Variants in TSPAN7 observed in about 807,000 individuals in gnomAD.
TSPAN7 encodes the protein tetraspanin-7.
A neutral mutation model predicts 17.6 loss-of-function variants in TSPAN7; 1 was observed. The ratio of observed to expected loss-of-function variants is 0.06; its 90% CI spans 0.02 to 0.27. The LOEUF is 0.27. Among genes scored for constraint, TSPAN7 ranks in the 10% least tolerant of loss-of-function variants. TSPAN7 has a pLI of 1.00. For missense variants in TSPAN7, 112 were observed against 201.7 expected, an observed-to-expected ratio of 0.56 and a Z score of 2.69; for synonymous variants, 78 against 79.0, an observed-to-expected ratio of 0.99 and a Z score of 0.07.
At chrX:38,561,746 T>A in intron 1 of TSPAN7, 119 bp downstream of exon 1, 1 of 599,721 alleles carries the variant, frequency 1.7e-6, no homozygotes, top group Non-Finnish European at 2.5e-6. Context: ...GACCCCTCTT[T>A]AAGGAGACAG....
chrX:38,620,640 T>G (rs2069483638), intron 1 of TSPAN7, among the ~76,000 whole-genome samples: 2 of 111,664 alleles, frequency 1.8e-5, no homozygotes, highest in African/African-American at 6.5e-5. Flanking sequence ...CTACAAGGTG[T>G]GGACAGTTCC....
At chrX:38,583,949 C>CTTTTTTTTTTTTTTTTTTTTTTTTTTTTT (rs34777484) in intron 1 of TSPAN7, among the ~76,000 whole-genome samples, 2 of 66,974 alleles carry the variant, frequency 3.0e-5, no homozygotes, top group Non-Finnish European at 5.6e-5. Context: ...TTTTTCTTTT[C>CTTTTTTTTTTTTTTTTTTTTTTTTTTTTT]TTTTTTTTTT....
At chrX:38,661,833 T>TA (rs1175551490) in intron 1 of TSPAN7, among the ~76,000 whole-genome samples, 2 of 82,484 alleles carry the variant, frequency 2.4e-5, no homozygotes, top group Non-Finnish European at 5.4e-5. Context: ...GAGAGATGTT[T>TA]TAAAAAAAAA....
At chrX:38,623,075 T>C (rs1266013890) in intron 1 of TSPAN7, 1 of 329,374 alleles carries the variant, frequency 3.0e-6, no homozygotes, top group Non-Finnish European at 5.9e-6. Flanking sequence ...TGTTGTTTTA[T>C]CTGTACAGTT....
At chrX:38,666,437 C>A in intron 2 of TSPAN7, 128 bp downstream of exon 2, 1 of 703,223 alleles carries the variant, frequency 1.4e-6, no homozygotes, top group Non-Finnish European at 2.2e-6. Flanking sequence ...CAGACTCTTT[C>A]CTAATCCATC....
In TSPAN7 at chrX:38,688,854, C is replaced by T. The variant is rs1403741908; in HGVS notation, c.*923C>T. 8.9e-6 allele frequency: 1 copy of T among 112,483 alleles called. No homozygotes were observed. Among genetic ancestry groups the T allele is most frequent in the Non-Finnish European group, 1.9e-5 (1 of 53,294 alleles). The allele number at this position is 112,483 out of a possible 1,213,427, so 9.3% of individuals were successfully genotyped here. On this transcript the variant is annotated 3_prime_UTR_variant, in exon 8 of 8. Transcript: ENST00000378482. The stretch of plus-strand genomic sequence containing the variant: ...GTAATGCCTCTGTCTAGCATGCCAA[C>T]AAGAATGCATTGATATTGTGAACAT...
At chrX:38,678,749 A>G (rs1237386024) in intron 5 of TSPAN7, among the ~76,000 whole-genome samples, 2 of 112,591 alleles carry the variant, frequency 1.8e-5, no homozygotes, top group Non-Finnish European at 3.7e-5. Flanking sequence ...AATTAATCCT[A>G]TTACTGATAT....
intron 6 of TSPAN7, among the ~76,000 whole-genome samples, chrX:38,683,468 A>G (rs370982790): frequency 2.8e-4 from 32 of 112,997 alleles, no homozygotes; most frequent in African/African-American, 8.7e-4. Flanking sequence ...AACTCTCTGC[A>G]GTGAGTTTAA....
At chrX:38,666,384 G>A in intron 2 of TSPAN7, 75 bp downstream of exon 2, 2 of 1,064,438 alleles carry the variant, frequency 1.9e-6, no homozygotes, top group Non-Finnish European at 2.6e-6. Context: ...GAGGTGAAGT[G>A]GTTCGTCTTG....
chrX:38,567,961 A>G (rs1359442353), intron 1 of TSPAN7, among the ~76,000 whole-genome samples: 4 of 111,878 alleles, frequency 3.6e-5, no homozygotes, highest in African/African-American at 1.3e-4. Flanking sequence ...TATTATGATT[A>G]CTTGCATAGC....
chrX:38,639,211 T>G (rs946989226), intron 1 of TSPAN7, among the ~76,000 whole-genome samples: 89 of 110,683 alleles, frequency 8.0e-4, no homozygotes, highest in African/African-American at 2.8e-3. Flanking sequence ...CTAAGTGATT[T>G]ACTTTACATT....
chrX:38,593,850 G>A (rs1349001370), intron 1 of TSPAN7, among the ~76,000 whole-genome samples: 1 of 112,126 alleles, frequency 8.9e-6, no homozygotes, highest in African/African-American at 3.2e-5. Flanking sequence ...TACAGTCTCA[G>A]GTTTTCTGCT....
At chrX:38,653,100 C>G (rs775758165) in intron 1 of TSPAN7, among the ~76,000 whole-genome samples, 1 of 112,096 alleles carries the variant, frequency 8.9e-6, no homozygotes, top group South Asian at 3.8e-4. Flanking sequence ...CACTTATTTG[C>G]TTTGTGACTT....
At chrX:38,581,985 C>T (rs1228693045) in intron 1 of TSPAN7, among the ~76,000 whole-genome samples, 1 of 112,622 alleles carries the variant, frequency 8.9e-6, no homozygotes, top group Non-Finnish European at 1.9e-5. Context: ...CAGTAATCTG[C>T]ACACGGACAC....
At chrX:38,614,675 G>C (rs1267437754) in intron 1 of TSPAN7, among the ~76,000 whole-genome samples, 1 of 112,735 alleles carries the variant, frequency 8.9e-6, no homozygotes, top group East Asian at 2.8e-4. Flanking sequence ...AGGGACTCTT[G>C]CCTCCCTGCT....
At chrX:38,646,055 G>C (rs1296966404) in intron 1 of TSPAN7, among the ~76,000 whole-genome samples, 1 of 111,268 alleles carries the variant, frequency 9.0e-6, no homozygotes, top group Non-Finnish European at 1.9e-5. Context: ...TTACCTGGCA[G>C]TGAATTACTG....
chrX:38,687,586 T>C lies in TSPAN7; in HGVS notation c.682-13T>C. 8.3e-7 allele frequency: 1 copy of C among 1,210,326 alleles called. No individual in the cohort carries two copies. On this transcript the variant is annotated splice_polypyrimidine_tract_variant and intron_variant, in intron 6 of 7. Transcript: ENST00000378482. ...CTTGAGATTCTCATTTTCGTTTTTC[T>C]CCCTGGCAACAGTTAATTGGCATGC...
rs753566251 is a variant in TSPAN7 at position 38,605,881 on chromosome X, C to T, written c.81+44254C>T. Reference sequence around the variant, plus strand: ...ATATGTAGAAAGCTGAAACTGGATCCCTTCCTTACACCTTATACAAAAATT... The same window carrying T: ...ATATGTAGAAAGCTGAAACTGGATCTCTTCCTTACACCTTATACAAAAATT... On this transcript the variant is annotated intron_variant, in intron 1 of 7. Transcript: ENST00000378482. Among the ~76,000 whole-genome samples the T allele has an allele frequency of 2.8e-5, 3 of 106,813 alleles. No individual in the cohort carries two copies. In the Admixed American group the frequency reaches 3.0e-4, roughly 11 times the overall value. The allele number at this position is 106,813 out of a possible 115,157, so 92.8% of individuals were successfully genotyped here.
chrX:38,673,066 A>T (rs754982017), intron 3 of TSPAN7, among the ~76,000 whole-genome samples: 37 of 111,996 alleles, frequency 3.3e-4, no homozygotes, highest in African/African-American at 5.8e-4. Flanking sequence ...TAGAAGCTGC[A>T]TGTAACTGGT....
Sources: gnomAD v4.1 joint callset for allele counts (sites outside exome capture counted in the v4.1 genomes callset) on GRCh38, gnomAD v4.1.1 for gene constraint, MANE v1.5 for transcripts, NCBI Gene and HGNC (gene_info 2026-07-23, HGNC 2026-07-21) for gene names.